EPB41: variants seen among roughly 807,000 people sequenced by gnomAD.
The protein encoded by EPB41 is erythrocyte membrane protein band 4.1.
EPB41 carries 65 observed loss-of-function variants against 108.0 expected under a neutral mutation model. The observed-to-expected ratio is 0.60, with a 90% CI of 0.49 to 0.74. The LOEUF is 0.74. Ranked by LOEUF, EPB41 falls within the 30% of genes least tolerant of loss-of-function variation. The pLI is 0.00. For missense variants in EPB41, 875 were observed against 1,037.0 expected, an observed-to-expected ratio of 0.84 and a Z score of 2.15; for synonymous variants, 336 against 358.9, an observed-to-expected ratio of 0.94 and a Z score of 0.72.
At position 28,919,469 on chromosome 1, in the gene EPB41, C is replaced by A. The variant is rs947633531; in HGVS notation, c.-8+4701C>A. On this transcript the variant is annotated intron_variant, in intron 1 of 20. Coordinates refer to ENST00000343067, the MANE Select transcript of EPB41 (RefSeq NM_001376013.1). ...TGCTATCCTTAAAAGTCCTTTCTTTCTTTTTTTTTTTTGAGGCAGGGTCTT... is the reference window on the plus strand; with the variant it reads ...TGCTATCCTTAAAAGTCCTTTCTTTATTTTTTTTTTTTGAGGCAGGGTCTT... Among the ~76,000 whole-genome samples the A allele has an allele frequency of 2.1e-5, 3 of 146,156 alleles. No homozygotes were observed. The South Asian group carries it at 6.5e-4, about 31-fold the overall frequency.
At position 28,987,550 on chromosome 1, in the gene EPB41, C is replaced by T. The variant is rs768577854; in HGVS notation, c.113C>T (p.Ser38Phe). The T allele has an allele frequency of 5.6e-6, 9 of 1,614,158 alleles. No homozygotes were observed. The highest frequency in any genetic ancestry group is 1.3e-5 in the African/African-American group (1 of 75,030). ...CAACAAGAACCTCAGCAGGAGGAAT[C>T]TTGTCAAACAGCAGCTGAAGGAGAT... The part of the protein sequence containing the change: ...SGQQEPQQEE[S>F]CQTAAEGDNW... The change falls in exon 2 of 21, where the codon TCT (serine) becomes TTT (phenylalanine). Residue 38 changes from serine (S) to phenylalanine (F), a missense_variant. Ser to Phe is a radical substitution (Grantham distance 155). Coordinates refer to ENST00000343067, the MANE Select transcript of EPB41 (RefSeq NM_001376013.1).
intron 16 of EPB41, among the ~76,000 whole-genome samples, chr1:29,079,915 C>G (rs1050154856): frequency 2.0e-5 from 3 of 151,790 alleles, no homozygotes; most frequent in Non-Finnish European, 4.4e-5. Flanking sequence ...GAGAATTGCT[C>G]CGCCTGGGTG....
intron 12 of EPB41, 132 bp downstream of exon 12, chr1:29,053,444 A>G (rs1644850928): frequency 1.0e-6 from 1 of 968,232 alleles, no homozygotes; most frequent in Non-Finnish European, 1.6e-6. Context: ...TTCTTTCTAA[A>G]TGAAGATGTC....
At chr1:28,962,713 T>C (rs2149166971) in intron 1 of EPB41, among the ~76,000 whole-genome samples, 1 of 151,898 alleles carries the variant, frequency 6.6e-6, no homozygotes, top group East Asian at 1.9e-4. Flanking sequence ...ACTTTCTGTC[T>C]TTGGATTTGA....
At chr1:29,011,352 G>A (rs779798987) in intron 4 of EPB41, among the ~76,000 whole-genome samples, 1 of 150,330 alleles carries the variant, frequency 6.7e-6, no homozygotes, top group Non-Finnish European at 1.5e-5. Context: ...GCAATAGAGC[G>A]AGACTCCTTC....
Position 29,034,647 on chromosome 1 carries a change from T to C in EPB41, c.1366-1179T>C, listed in dbSNP as rs1043471641. ...AAAGTAGAAATAAAGAGGCAAGAGG[T>C]CAGCAGGACAGTGTTTCTAGTAACC... is the stretch of plus-strand genomic sequence containing the variant. On this transcript the variant is annotated intron_variant, in intron 9 of 20. Transcript: ENST00000343067. Among the ~76,000 whole-genome samples, 3 of 152,246 alleles carry C rather than the reference T, an allele frequency of 2.0e-5. No homozygotes were observed. The East Asian group carries it at 5.8e-4, about 29-fold the overall frequency.
At chr1:28,957,251 A>G (rs929539553) in intron 1 of EPB41, among the ~76,000 whole-genome samples, 1 of 152,272 alleles carries the variant, frequency 6.6e-6, no homozygotes, top group African/African-American at 2.4e-5. Context: ...GAACATTAGA[A>G]GTAGTTTTTA....
chr1:28,986,971 A>G (rs945348525), intron 1 of EPB41, among the ~76,000 whole-genome samples: 5 of 152,208 alleles, frequency 3.3e-5, no homozygotes, highest in Non-Finnish European at 5.9e-5. Context: ...AAAAAGAACA[A>G]TAAAGACTGG....
intron 16 of EPB41, among the ~76,000 whole-genome samples, chr1:29,066,156 C>T (rs1204431872): frequency 6.6e-6 from 1 of 152,046 alleles, no homozygotes; most frequent in Non-Finnish European, 1.5e-5. Flanking sequence ...CGCGGTGGCT[C>T]ACGCCTGTAA....
chr1:29,075,721 A>G (rs548793800), intron 16 of EPB41, among the ~76,000 whole-genome samples: 1 of 152,344 alleles, frequency 6.6e-6, no homozygotes, highest in South Asian at 2.1e-4. Flanking sequence ...TAAAACACAT[A>G]GAAAAATATT....
At chr1:28,956,172 G>A (rs1392328175) in intron 1 of EPB41, among the ~76,000 whole-genome samples, 1 of 152,230 alleles carries the variant, frequency 6.6e-6, no homozygotes, top group Non-Finnish European at 1.5e-5. Context: ...TCTTGCATGT[G>A]TAAAATATTC....
chr1:29,034,350 A>G (rs1638569047), intron 9 of EPB41, among the ~76,000 whole-genome samples: 1 of 152,208 alleles, frequency 6.6e-6, no homozygotes, highest in Non-Finnish European at 1.5e-5. Context: ...CTAAAAATGT[A>G]GAATTCTTAT....
intron 1 of EPB41, among the ~76,000 whole-genome samples, chr1:28,927,375 A>G (rs2093505503): frequency 6.6e-6 from 1 of 152,186 alleles, no homozygotes; most frequent in Admixed American, 6.5e-5. Context: ...CCTGTGAAAA[A>G]AAATTTTCAG....
At chr1:29,099,414 C>T (rs1664477154) in intron 17 of EPB41, among the ~76,000 whole-genome samples, 2 of 152,210 alleles carry the variant, frequency 1.3e-5, no homozygotes, top group Non-Finnish European at 2.9e-5. Context: ...CAGCCTAGAC[C>T]TCCCAGGCTC....
At chr1:29,041,008 C>T (rs545994177) in intron 11 of EPB41, among the ~76,000 whole-genome samples, 6 of 151,728 alleles carry the variant, frequency 4.0e-5, no homozygotes, top group South Asian at 2.1e-4. Context: ...TGGTGGCGCA[C>T]GTCTGTAATC....
intron 17 of EPB41, among the ~76,000 whole-genome samples, chr1:29,100,661 T>A (rs1175618472): frequency 1.4e-5 from 2 of 146,596 alleles, no homozygotes; most frequent in African/African-American, 4.9e-5. Flanking sequence ...ATATATATAT[T>A]TATAATTATA....
intron 16 of EPB41, among the ~76,000 whole-genome samples, chr1:29,086,865 T>C (rs1023626438): frequency 2.0e-5 from 3 of 151,854 alleles, no homozygotes; most frequent in African/African-American, 7.2e-5. Context: ...AGCAAAATTT[T>C]AGAAAAATTT....
rs972979506 is a variant in EPB41 at position 28,951,646 on chromosome 1, A to G, written c.-7-35785A>G. Among the ~76,000 whole-genome samples, 8 of 152,134 alleles carry G rather than the reference A, an allele frequency of 5.3e-5. No individual in the cohort carries two copies. The East Asian group carries it at 1.4e-3, about 26-fold the overall frequency. On this transcript the variant is annotated intron_variant, in intron 1 of 20. Coordinates refer to ENST00000343067, the MANE Select transcript of EPB41 (RefSeq NM_001376013.1). ...AGGCAGGAGGATTACTTGAGCTCAC[A>G]AGTTTGAGACCAGCCTGGGCAACAT...
chr1:29,109,304 G>C (rs375720502), intron 17 of EPB41, 32 bp from the exon 18 acceptor site: 46 of 1,537,986 alleles, frequency 3.0e-5, no homozygotes, highest in Non-Finnish European at 4.0e-5. Context: ...CTTCCTGAGA[G>C]GCATGATGAT....
Sources: allele counts gnomAD v4.1 joint callset (sites outside exome capture counted in the v4.1 genomes callset), GRCh38; gene constraint gnomAD v4.1.1; transcripts MANE v1.5; gene names NCBI Gene and HGNC (gene_info 2026-07-23, HGNC 2026-07-21).